Variants in AKT3 observed in about 807,000 individuals in gnomAD.
AKT3 encodes the protein AKT serine/threonine kinase 3.
AKT3 carries 15 observed loss-of-function variants against 65.3 expected under a neutral mutation model. That is an observed-to-expected ratio of 0.23 (90% CI 0.15 to 0.35). The LOEUF (loss-of-function observed/expected upper bound fraction) is 0.35, where lower values mean the gene tolerates loss of function less well. Among genes scored for constraint, AKT3 ranks in the 10% least tolerant of loss-of-function variants. The probability of loss-of-function intolerance (pLI) is 1.00; values close to 1 mark genes in which losing one functional copy is unlikely to be tolerated. For missense variants in AKT3, 243 were observed against 576.5 expected, an observed-to-expected ratio of 0.42 and a Z score of 5.92; for synonymous variants, 206 against 183.8, an observed-to-expected ratio of 1.12 and a Z score of -0.98.
At chr1:243,494,659 G>A (rs1667366800) in intron 13 of AKT3, among the ~76,000 whole-genome samples, 1 of 152,232 alleles carries the variant, frequency 6.6e-6, no homozygotes, top group Non-Finnish European at 1.5e-5. Context: ...TTGTCCAAGA[G>A]TGAGTACTTT....
chr1:243,838,491 CA>C (rs976914326), intron 2 of AKT3, among the ~76,000 whole-genome samples: 2 of 148,060 alleles, frequency 1.4e-5, no homozygotes, highest in Non-Finnish European at 3.0e-5. Context: ...AAAAAATGAA[CA>C]AAAAAAAACA....
chr1:243,814,124 T>C (rs1327742414), intron 2 of AKT3, among the ~76,000 whole-genome samples: 2 of 152,112 alleles, frequency 1.3e-5, no homozygotes, highest in African/African-American at 2.4e-5. Context: ...GTAAAGCAAA[T>C]GTGACAAAAT....
intron 8 of AKT3, among the ~76,000 whole-genome samples, chr1:243,611,878 G>A (rs185968810): frequency 4.6e-5 from 7 of 151,932 alleles, no homozygotes; most frequent in African/African-American, 1.4e-4. Context: ...CAATTCCCTG[G>A]GTGAAATCTC....
chr1:243,809,447 T>C (rs1425873352), intron 2 of AKT3, among the ~76,000 whole-genome samples: 1 of 152,136 alleles, frequency 6.6e-6, no homozygotes, highest in Admixed American at 6.5e-5. Flanking sequence ...GGCCATTACA[T>C]AATGGTAAAG....
At chr1:243,688,201 T>C (rs1185505463) in intron 3 of AKT3, among the ~76,000 whole-genome samples, 1 of 152,066 alleles carries the variant, frequency 6.6e-6, no homozygotes, top group African/African-American at 2.4e-5. Context: ...AATGATTAAA[T>C]GATCTAAAAA....
At chr1:243,814,014 T>A (rs191894252) in intron 2 of AKT3, among the ~76,000 whole-genome samples, 2 of 152,132 alleles carry the variant, frequency 1.3e-5, no homozygotes, top group South Asian at 2.1e-4. Context: ...TTCAGGAGGA[T>A]TGCTTGAGCC....
At chr1:243,737,996 A>G (rs1687940374) in intron 2 of AKT3, among the ~76,000 whole-genome samples, 1 of 152,206 alleles carries the variant, frequency 6.6e-6, no homozygotes, top group South Asian at 2.1e-4. Flanking sequence ...CTCAAATTGC[A>G]CCGACTACAT....
intron 9 of AKT3, among the ~76,000 whole-genome samples, chr1:243,566,003 T>C (rs1305882832): frequency 6.6e-6 from 1 of 152,150 alleles, no homozygotes; most frequent in Non-Finnish European, 1.5e-5. Context: ...TTTACACCAT[T>C]CCATTCCCAT....
At chr1:243,733,691 T>C (rs1227244354) in intron 2 of AKT3, among the ~76,000 whole-genome samples, 2 of 152,208 alleles carry the variant, frequency 1.3e-5, no homozygotes, top group African/African-American at 4.8e-5. Context: ...AATTCTGGTT[T>C]CCCAGCTCAT....
rs371101051 is a variant in AKT3, at chr1:243,502,107, T to C, written c.*3142A>G. ...TTCAATTACCAATTTAGAGGTTTTC[T>C]TTTTATTTAAATAAATACTTTACAT... is the stretch of plus-strand genomic sequence containing the variant. On this transcript the variant is annotated 3_prime_UTR_variant, in exon 14 of 14. Transcript: ENST00000673466. 8.5e-4 allele frequency: 198 copies of C among 231,876 alleles called. 4 individuals carry two copies. The East Asian group carries it at 9.3e-3, about 11-fold the overall frequency. The allele number at this position is 231,876 out of a possible 1,614,324, so 14.4% of individuals were successfully genotyped here.
chr1:243,514,695 G>A (rs570237231), intron 12 of AKT3, among the ~76,000 whole-genome samples: 59 of 152,224 alleles, frequency 3.9e-4, no homozygotes, highest in Non-Finnish European at 8.2e-4. Flanking sequence ...GTGTGGCAGC[G>A]GGCGCCTGTA....
At chr1:243,807,968 G>A (rs918610106) in intron 2 of AKT3, among the ~76,000 whole-genome samples, 2 of 152,218 alleles carry the variant, frequency 1.3e-5, no homozygotes, top group African/African-American at 4.8e-5. Flanking sequence ...CTGCAGCTGA[G>A]GGTCCTGACT....
chr1:243,636,199 GTAA>G (rs1051125765), intron 6 of AKT3, among the ~76,000 whole-genome samples: 15 of 152,064 alleles, frequency 9.9e-5, no homozygotes, highest in East Asian at 1.9e-4. Flanking sequence ...AGTAATAATA[GTAA>G]TAATAATTAT....
At chr1:243,509,406 A>G (rs1216286107) in intron 13 of AKT3, among the ~76,000 whole-genome samples, 1 of 152,198 alleles carries the variant, frequency 6.6e-6, no homozygotes, top group East Asian at 1.9e-4. Context: ...CGAGTAAGGA[A>G]TAAAGCAGGT....
At chr1:243,689,013 G>A (rs760750603) in intron 3 of AKT3, among the ~76,000 whole-genome samples, 6 of 152,064 alleles carry the variant, frequency 3.9e-5, no homozygotes, top group South Asian at 2.1e-4. Context: ...CCCATCTCCT[G>A]AGTAAATTCT....
intron 6 of AKT3, among the ~76,000 whole-genome samples, chr1:243,637,228 A>G (rs1165163625): frequency 6.6e-6 from 1 of 152,082 alleles, no homozygotes; most frequent in Non-Finnish European, 1.5e-5. Context: ...ATTCAATGTT[A>G]TATAAGCTTT....
intron 9 of AKT3, among the ~76,000 whole-genome samples, chr1:243,566,570 C>T (rs1403633852): frequency 6.6e-6 from 1 of 152,074 alleles, no homozygotes; most frequent in Non-Finnish European, 1.5e-5. Flanking sequence ...GCCTGGGAGG[C>T]AGTAGAGAGC....
At chr1:243,637,535 A>G (rs2147811675) in intron 6 of AKT3, 76 bp downstream of exon 6, 2 of 1,290,272 alleles carry the variant, frequency 1.6e-6, no homozygotes, top group Non-Finnish European at 2.1e-6. Flanking sequence ...ATACATTAGC[A>G]TGTAAATTCA....
Position 243,850,046 on chromosome 1 carries a change from C to A in AKT3, c.-119G>T. 1 of 950,394 alleles carries A rather than the reference C, an allele frequency of 1.1e-6. No individual in the cohort carries two copies. Among genetic ancestry groups the A allele is most frequent in the Non-Finnish European group, 1.2e-6 (1 of 821,028 alleles). 58.9% of individuals were successfully genotyped at this position (950,394 alleles called of 1,614,324 possible). On this transcript the variant is annotated 5_prime_UTR_variant, in exon 1 of 14. Transcript: ENST00000673466. ...TGGGGGCGGTGGCTGTTACCTGCAACGGCGGCGGCGGCGGTGGCGGCCCCG... is the reference window on the plus strand; with the variant it reads ...TGGGGGCGGTGGCTGTTACCTGCAAAGGCGGCGGCGGCGGTGGCGGCCCCG...
Sources: gnomAD v4.1 joint callset for allele counts (sites outside exome capture counted in the v4.1 genomes callset) on GRCh38, gnomAD v4.1.1 for gene constraint, MANE v1.5 for transcripts, NCBI Gene and HGNC (gene_info 2026-07-23, HGNC 2026-07-21) for gene names.